Variants in CTIF observed in about 807,000 individuals in gnomAD.
CTIF encodes CBP80/20-dependent translation initiation factor.
In CTIF, 21 loss-of-function variants were observed where a neutral mutation model predicts 66.0. The observed-to-expected ratio is 0.32, with a 90% CI of 0.23 to 0.46. CTIF has a LOEUF of 0.46. CTIF is among the 20% of genes least tolerant of loss of function. The pLI is 1.00. For missense variants in CTIF, 739 were observed against 812.7 expected (o/e 0.91, Z 1.10); for synonymous variants, 345 against 326.4 (o/e 1.06, Z -0.62).
chr18:48,741,341 G>C (rs2092552411), intron 7 of CTIF, among the ~76,000 whole-genome samples: 1 of 148,798 alleles, frequency 6.7e-6, no homozygotes, highest in Non-Finnish European at 1.5e-5. Context: ...AAATACCCAG[G>C]TGCTACCCTA....
intron 2 of CTIF, among the ~76,000 whole-genome samples, 190 bp downstream of exon 2, chr18:48,619,935 C>A (rs1304481566): frequency 2.6e-5 from 4 of 152,124 alleles, no homozygotes; most frequent in Non-Finnish European, 2.9e-5. Flanking sequence ...GGCTGTGCAC[C>A]CCGTCCCTCT....
intron 7 of CTIF, among the ~76,000 whole-genome samples, chr18:48,748,649 AC>A (rs1907492691): frequency 6.6e-6 from 1 of 152,194 alleles, no homozygotes; most frequent in South Asian, 2.1e-4. Flanking sequence ...ACCCAGCTAG[AC>A]CAAGGCAAAA....
At chr18:48,667,138 C>T (rs1952477761) in intron 5 of CTIF, among the ~76,000 whole-genome samples, 1 of 150,454 alleles carries the variant, frequency 6.6e-6, no homozygotes, top group Non-Finnish European at 1.5e-5. Flanking sequence ...ACAGTCCCTG[C>T]CCAGAAGGAC....
chr18:48,623,585 G>GA (rs199504142), intron 2 of CTIF, among the ~76,000 whole-genome samples: 2,789 of 142,374 alleles, frequency 0.02, 123 homozygotes, highest in East Asian at 0.15. Context: ...AAGCCAAAAA[G>GA]AAAAAAAAAA....
At chr18:48,768,477 C>T (rs1247870023) in intron 9 of CTIF, among the ~76,000 whole-genome samples, 3 of 152,166 alleles carry the variant, frequency 2.0e-5, no homozygotes, top group African/African-American at 7.2e-5. Context: ...GGCAGGGATC[C>T]CTCCCCAGGC....
At chr18:48,768,954 C>G (rs1909845239) in intron 9 of CTIF, among the ~76,000 whole-genome samples, 1 of 152,202 alleles carries the variant, frequency 6.6e-6, no homozygotes, top group Non-Finnish European at 1.5e-5. Context: ...TCAAAATCCA[C>G]CCTGTGGAAT....
intron 3 of CTIF, among the ~76,000 whole-genome samples, chr18:48,656,199 C>T (rs1015118944): frequency 8.5e-5 from 13 of 152,200 alleles, no homozygotes; most frequent in Non-Finnish European, 1.3e-4. Flanking sequence ...GGGATACGTT[C>T]CTGCTTTATG....
intron 1 of CTIF, among the ~76,000 whole-genome samples, chr18:48,574,187 T>G (rs1365211860): frequency 2.6e-5 from 4 of 152,244 alleles, no homozygotes; most frequent in Non-Finnish European, 5.9e-5. Flanking sequence ...CCTGCCGCTC[T>G]TCAGTTCAGA....
intron 1 of CTIF, among the ~76,000 whole-genome samples, chr18:48,590,976 G>T (rs1027640148): frequency 5.1e-4 from 77 of 152,308 alleles, no homozygotes; most frequent in African/African-American, 1.8e-3. Context: ...GTTGCAAGGT[G>T]CATATGGACT....
At chr18:48,744,497 T>TATATCCATCACCCAGTTTCC (rs1192163375) in intron 7 of CTIF, among the ~76,000 whole-genome samples, 2 of 152,230 alleles carry the variant, frequency 1.3e-5, no homozygotes, top group Non-Finnish European at 2.9e-5. Flanking sequence ...AGAATTCTTA[T>TATATCCATCACCCAGTTTCC]ATATCCATCA....
chr18:48,709,358 G>A (rs1419132936), intron 6 of CTIF, among the ~76,000 whole-genome samples: 5 of 152,220 alleles, frequency 3.3e-5, no homozygotes, highest in Admixed American at 6.5e-5. Flanking sequence ...CGAGTGGCCC[G>A]GTATGCCCCA....
At chr18:48,817,592 A>G (rs1022886736) in intron 10 of CTIF, among the ~76,000 whole-genome samples, 1 of 152,120 alleles carries the variant, frequency 6.6e-6, no homozygotes, top group African/African-American at 2.4e-5. Flanking sequence ...CCTGGCAAAC[A>G]CGATGAAACC....
At position 48,677,752 on chromosome 18, in the gene CTIF, G is replaced by A. The variant is rs144503583; in HGVS notation, c.507+7008G>A. 4.2e-3 allele frequency among the ~76,000 whole-genome samples: 633 copies of A among 152,208 alleles called. 4 individuals are homozygous for A. Among genetic ancestry groups the A allele is most frequent in the African/African-American group, 0.015 (618 of 41,514 alleles). Reference sequence around the variant, plus strand: ...TCTTTTGCGTCTGTATTCTCCCAGTGGAGTGTACGTTCCCCTGGGGCACAT... The same window carrying A: ...TCTTTTGCGTCTGTATTCTCCCAGTAGAGTGTACGTTCCCCTGGGGCACAT... On this transcript the variant is annotated intron_variant, in intron 6 of 11. Transcript: ENST00000256413.
At chr18:48,710,735 C>T (rs1326872303) in intron 6 of CTIF, among the ~76,000 whole-genome samples, 1 of 152,130 alleles carries the variant, frequency 6.6e-6, no homozygotes, top group Non-Finnish European at 1.5e-5. Context: ...AAAGACTATC[C>T]TTAGAATTTT....
chr18:48,790,412 G>T (rs953049150), intron 9 of CTIF, among the ~76,000 whole-genome samples: 1 of 152,190 alleles, frequency 6.6e-6, no homozygotes, highest in African/African-American at 2.4e-5. Context: ...TGCCGAGTTC[G>T]AGGGGGCATG....
In CTIF at chr18:48,863,105, C is replaced by A. The variant is rs1382176755; in HGVS notation, c.*3546C>A. The A allele has an allele frequency of 6.6e-6, 1 of 152,280 alleles. No homozygotes were observed. The highest frequency in any genetic ancestry group is 1.5e-5 in the Non-Finnish European group (1 of 68,056). 9.4% of individuals were successfully genotyped at this position (152,280 alleles called of 1,614,324 possible). A position where few individuals can be genotyped will look rare whatever the true frequency, so the allele number is the denominator to read the frequency against. On this transcript the variant is annotated 3_prime_UTR_variant, in exon 12 of 12. Transcript: ENST00000256413. ...GGCCTGGGGCTTCCCGCCAAAGCTG[C>A]CGCGGAACCCCGCTAGTGCGACCAC...
At chr18:48,687,690 C>A (rs546610772) in intron 6 of CTIF, among the ~76,000 whole-genome samples, 20 of 152,310 alleles carry the variant, frequency 1.3e-4, no homozygotes, top group African/African-American at 4.8e-4. Context: ...ATCACAGAAC[C>A]AGAGAATCGT....
intron 3 of CTIF, among the ~76,000 whole-genome samples, chr18:48,642,363 C>A (rs1158922397): frequency 6.6e-6 from 1 of 151,928 alleles, no homozygotes; most frequent in Non-Finnish European, 1.5e-5. Context: ...TGAGGCCTGA[C>A]CTATGCCTTT....
intron 1 of CTIF, among the ~76,000 whole-genome samples, chr18:48,604,990 G>T (rs571176541): frequency 3.9e-5 from 6 of 152,236 alleles, no homozygotes; most frequent in African/African-American, 1.4e-4. Flanking sequence ...ATATTCCATT[G>T]CATGCATAGT....
Sources: allele counts gnomAD v4.1 joint callset (sites outside exome capture counted in the v4.1 genomes callset), GRCh38; gene constraint gnomAD v4.1.1; transcripts MANE v1.5; gene names NCBI Gene and HGNC (gene_info 2026-07-23, HGNC 2026-07-21).